The following PTPRA variants were observed in gnomAD, a reference collection of about 807,000 sequenced individuals.
The protein encoded by PTPRA is receptor-type tyrosine-protein phosphatase alpha.
PTPRA carries 25 observed loss-of-function variants against 104.8 expected under a neutral mutation model. That is an observed-to-expected ratio of 0.24 (90% CI 0.17 to 0.33). PTPRA has a LOEUF of 0.33. Among genes scored for constraint, PTPRA ranks in the 10% least tolerant of loss-of-function variants. PTPRA has a pLI of 1.00. For synonymous variants in PTPRA, 323 were observed against 368.9 expected (o/e 0.88, Z 1.43); for missense variants, 765 against 1,015.3 (o/e 0.75, Z 3.35).
intron 16 of PTPRA, among the ~76,000 whole-genome samples, chr20:3,023,629 G>T (rs917706418): frequency 9.2e-5 from 14 of 152,130 alleles, no homozygotes; most frequent in Non-Finnish European, 2.1e-4. Flanking sequence ...AGAGTCCTTT[G>T]CTCACATGTT....
chr20:2,915,611 G>C (rs140107722), intron 1 of PTPRA, among the ~76,000 whole-genome samples: 2 of 152,206 alleles, frequency 1.3e-5, no homozygotes, highest in East Asian at 3.9e-4. Flanking sequence ...CAGTTTTGTT[G>C]CTTATGATTT....
At chr20:2,942,904 T>G (rs1464040575) in intron 2 of PTPRA, among the ~76,000 whole-genome samples, 1 of 151,980 alleles carries the variant, frequency 6.6e-6, no homozygotes, top group Non-Finnish European at 1.5e-5. Context: ...CATACATAGC[T>G]GTGATAAAGT....
intron 12 of PTPRA, among the ~76,000 whole-genome samples, chr20:3,016,845 A>G (rs992918664): frequency 2.0e-5 from 3 of 152,098 alleles, no homozygotes; most frequent in Admixed American, 6.5e-5. Flanking sequence ...ATTTTTATCT[A>G]TTGGCTTCTT....
At chr20:2,945,040 T>C (rs911632285) in intron 2 of PTPRA, among the ~76,000 whole-genome samples, 7 of 152,208 alleles carry the variant, frequency 4.6e-5, no homozygotes, top group Non-Finnish European at 1.0e-4. Flanking sequence ...TTCTCTTTGG[T>C]ATTTTTTTAT....
At chr20:3,006,416 C>T (rs552718974) in intron 10 of PTPRA, among the ~76,000 whole-genome samples, 1 of 152,296 alleles carries the variant, frequency 6.6e-6, no homozygotes, top group East Asian at 1.9e-4. Flanking sequence ...TGGCCTCAAG[C>T]AGTCCTCCCA....
In PTPRA at chr20:2,945,585, G is replaced by A. The variant is rs908116994; in HGVS notation, c.-49-2397G>A. 2.8e-4 allele frequency among the ~76,000 whole-genome samples: 6 copies of A among 21,596 alleles called. No homozygotes were observed. In the East Asian group the frequency reaches 0.058, roughly 208 times the overall value. The allele number at this position is 21,596 out of a possible 152,430, so 14.2% of individuals were successfully genotyped here. ...CGGAGCTTGATTATAATTGGCAGGT[G>A]TGTGTGTGTGTGTGTGTGTGTGTGT... is the stretch of plus-strand genomic sequence containing the variant. On this transcript the variant is annotated intron_variant, in intron 2 of 23. Coordinates refer to ENST00000399903, the MANE Select transcript of PTPRA (RefSeq NM_001385305.1).
chr20:2,871,537 G>T (rs2089428392), upstream of PTPRA, among the ~76,000 whole-genome samples: 1 of 152,090 alleles, frequency 6.6e-6, no homozygotes, highest in Non-Finnish European at 1.5e-5. Context: ...TCAACAAAAA[G>T]AAACATATTA....
the PTPRA span, chr20:2,866,506 A>G: frequency 6.2e-7 from 1 of 1,614,182 alleles, no homozygotes; most frequent in Non-Finnish European, 8.5e-7. Context: ...GTCCCACTGC[A>G]CGGGAGCCAC....
chr20:2,920,640 G>C (rs1253882126), intron 1 of PTPRA, among the ~76,000 whole-genome samples: 2 of 152,080 alleles, frequency 1.3e-5, no homozygotes, highest in African/African-American at 2.4e-5. Context: ...TTTTAGGGTG[G>C]TCAGATCCTG....
At chr20:2,870,378 G>GA (rs931965886), upstream of PTPRA, among the ~76,000 whole-genome samples, 48 of 148,380 alleles carry the variant, frequency 3.2e-4, no homozygotes, top group Admixed American at 4.0e-4. Flanking sequence ...TCAAAAAAAA[G>GA]AAAAAAAAAA....
chr20:2,890,718 T>A (rs1359860977), intron 1 of PTPRA, among the ~76,000 whole-genome samples: 1 of 152,184 alleles, frequency 6.6e-6, no homozygotes, highest in Non-Finnish European at 1.5e-5. Context: ...TGAACTATCT[T>A]TCCCTGAGTT....
upstream of PTPRA, among the ~76,000 whole-genome samples, chr20:2,872,900 C>A (rs1727094232): frequency 6.6e-6 from 1 of 152,178 alleles, no homozygotes; most frequent in Non-Finnish European, 1.5e-5. This position sits in a 1 kb window ranked among gnomAD's most constrained non-coding sequence, Gnocchi z 7.9. Context: ...CCCCAGCATG[C>A]GCATCTGGAA....
intron 6 of PTPRA, among the ~76,000 whole-genome samples, chr20:2,981,473 A>G (rs988842296): frequency 1.3e-5 from 2 of 152,232 alleles, no homozygotes; most frequent in African/African-American, 4.8e-5. Flanking sequence ...TCTAATAATT[A>G]GAGGCTAGGG....
At chr20:2,920,771 G>A (rs1046701269) in intron 1 of PTPRA, among the ~76,000 whole-genome samples, 1 of 151,816 alleles carries the variant, frequency 6.6e-6, no homozygotes, top group African/African-American at 2.4e-5. Flanking sequence ...AATATTGACC[G>A]GGAGGAAAGG....
chr20:2,994,483 A>G (rs1453382090), intron 9 of PTPRA, among the ~76,000 whole-genome samples: 2 of 152,230 alleles, frequency 1.3e-5, no homozygotes, highest in African/African-American at 4.8e-5. Context: ...CCATTTTGAA[A>G]TAGTCCCTTC....
chr20:2,881,020 A>AG (rs1022801175), intron 1 of PTPRA, among the ~76,000 whole-genome samples: 3 of 151,844 alleles, frequency 2.0e-5, no homozygotes, highest in African/African-American at 7.3e-5. Flanking sequence ...AAAAAAAAAA[A>AG]GAGGAGGACC....
intron 1 of PTPRA, among the ~76,000 whole-genome samples, chr20:2,895,626 C>T (rs1038871131): frequency 1.3e-4 from 20 of 152,302 alleles, no homozygotes; most frequent in African/African-American, 4.3e-4. Flanking sequence ...AAGCAATTCT[C>T]GTGCCTCAGC....
intron 2 of PTPRA, among the ~76,000 whole-genome samples, chr20:2,926,917 A>G (rs2060321329): frequency 6.6e-6 from 1 of 151,566 alleles, no homozygotes; most frequent in Admixed American, 6.6e-5. Context: ...CAGCCTCCCA[A>G]GTAGCTGGGA....
chr20:3,038,252 G>T lies in PTPRA; in HGVS notation c.*119G>T. ...TAACTGTTTTAGAAATTGGTACATAGGCTTCTATTACCTATTAGGTGGAAA... is the reference window on the plus strand; with the variant it reads ...TAACTGTTTTAGAAATTGGTACATATGCTTCTATTACCTATTAGGTGGAAA... On this transcript the variant is annotated 3_prime_UTR_variant, in exon 24 of 24. Transcript: ENST00000399903. 1 of 939,156 alleles carries T rather than the reference G, an allele frequency of 1.1e-6. No individual in the cohort carries two copies. The highest frequency in any genetic ancestry group is 2.6e-5 in the East Asian group (1 of 38,048). The allele number at this position is 939,156 out of a possible 1,614,324, so 58.2% of individuals were successfully genotyped here.
Sources: allele counts gnomAD v4.1 joint callset (sites outside exome capture counted in the v4.1 genomes callset), GRCh38; gene constraint gnomAD v4.1.1; non-coding constraint Gnocchi (gnomAD v3.1); transcripts MANE v1.5; gene names NCBI Gene and HGNC (gene_info 2026-07-23, HGNC 2026-07-21).